Variants in KIF6 observed in about 807,000 individuals in gnomAD.
KIF6 encodes kinesin family member 6, also known as kinesin-like protein KIF6.
A neutral mutation model predicts 112.7 loss-of-function variants in KIF6; 106 were observed. The observed-to-expected ratio is 0.94, with a 90% confidence interval of 0.80 to 1.11. The LOEUF is 1.11. Ranked by LOEUF, KIF6 falls within the 50% of genes least tolerant of loss-of-function variation. KIF6 has a pLI of 0.00. For synonymous variants in KIF6, 339 were observed against 339.9 expected, an observed-to-expected ratio of 1.00 and a Z score of 0.03; for missense variants, 929 against 964.0, an observed-to-expected ratio of 0.96 and a Z score of 0.48.
intron 3 of KIF6, among the ~76,000 whole-genome samples, chr6:39,677,626 C>A (rs1167647626): frequency 7.0e-6 from 1 of 143,440 alleles, no homozygotes; most frequent in Non-Finnish European, 1.5e-5. Flanking sequence ...TGGTGCGCTG[C>A]ACCCACTAAT....
intron 15 of KIF6, among the ~76,000 whole-genome samples, chr6:39,397,860 G>A (rs1768389773): frequency 6.6e-6 from 1 of 152,168 alleles, no homozygotes. Flanking sequence ...TGGGTGCTGT[G>A]TCTCTGGGGA....
rs891379866 is a variant in KIF6 at position 39,442,132 on chromosome 6, G to A, written c.1646-10971C>T. On this transcript the variant is annotated intron_variant, in intron 13 of 22. Transcript: ENST00000287152. Reference sequence around the variant, plus strand: ...CCCAGCAGTGCAGACCACGCGGGCTGGGTGGAATAAAGGGGGCAGTGCTCA... The same window carrying A: ...CCCAGCAGTGCAGACCACGCGGGCTAGGTGGAATAAAGGGGGCAGTGCTCA... 2.6e-5 allele frequency among the ~76,000 whole-genome samples: 4 copies of A among 152,270 alleles called. No homozygotes were observed. In the South Asian group the frequency reaches 8.3e-4, roughly 32 times the overall value.
chr6:39,683,540 C>T (rs1787657908), intron 3 of KIF6, among the ~76,000 whole-genome samples: 1 of 152,056 alleles, frequency 6.6e-6, no homozygotes, highest in Non-Finnish European at 1.5e-5. Flanking sequence ...ATACAGATGT[C>T]TGGAGTTCTG....
intron 19 of KIF6, among the ~76,000 whole-genome samples, chr6:39,351,703 G>T (rs141537255): frequency 6.6e-6 from 1 of 151,992 alleles, no homozygotes; most frequent in South Asian, 2.1e-4. Flanking sequence ...CTTTCTACTC[G>T]CTGAGCAGGA....
In KIF6 at chr6:39,385,503, C is replaced by A; in HGVS notation, c.1861+119G>T. 3.7e-6 allele frequency: 3 copies of A among 805,794 alleles called. No individual in the cohort carries two copies. The East Asian group carries it at 7.5e-5, about 20-fold the overall frequency. 49.9% of individuals were successfully genotyped at this position (805,794 alleles called of 1,614,324 possible). ...AAAGCTGTGTGGATAGCAACCCTTG[C>A]CATCCTTAACCTCAGAGAGGGTTTT... On this transcript the variant is annotated intron_variant, in intron 16 of 22. Transcript: ENST00000287152.
chr6:39,343,585 G>T lies in KIF6; in HGVS notation c.2428+124C>A. On this transcript the variant is annotated intron_variant, in intron 22 of 22. Transcript: ENST00000287152. The surrounding 1 kb of genome is among the most constrained non-coding windows in gnomAD (Gnocchi z 4.1). Reference sequence around the variant, plus strand: ...GCTGGGCACATGTGACTGACAGGCAGGCCAGTCCTGTGGCTTCAGGAATAT... The same window carrying T: ...GCTGGGCACATGTGACTGACAGGCATGCCAGTCCTGTGGCTTCAGGAATAT... 8.7e-7 allele frequency: 1 copy of T among 1,153,170 alleles called. No individual in the cohort carries two copies. The highest frequency in any genetic ancestry group is 1.2e-6 in the Non-Finnish European group (1 of 818,686). The allele number at this position is 1,153,170 out of a possible 1,614,324, so 71.4% of individuals were successfully genotyped here. A position where few individuals can be genotyped will look rare whatever the true frequency, so the allele number is the denominator to read the frequency against.
rs184912764 is a variant in KIF6, at chr6:39,575,420, G to A, written c.1181+2636C>T. On this transcript the variant is annotated intron_variant, in intron 10 of 22. Transcript: ENST00000287152. ...CGAGTAGCTGGGACTACAGGCGCCC[G>A]CCACCACACCCGGCTAATTTTTTTG... Among the ~76,000 whole-genome samples, 389 of 151,914 alleles carry A rather than the reference G, an allele frequency of 2.6e-3. 2 individuals are homozygous for A. Among genetic ancestry groups the A allele is most frequent in the African/African-American group, 8.0e-3 (330 of 41,420 alleles).
rs560945423 is a variant in KIF6 at position 39,607,298 on chromosome 6, G to A, written c.639+5891C>T. ...ATCGATGTTTTAGAACAAATCTCAT[G>A]GTTCATGTAATACCATTAAATCAGG... On this transcript the variant is annotated intron_variant, in intron 6 of 22. Coordinates refer to ENST00000287152, the MANE Select transcript of KIF6 (RefSeq NM_145027.6). Among the ~76,000 whole-genome samples the A allele has an allele frequency of 3.3e-5, 5 of 152,150 alleles. No homozygotes were observed. The South Asian group carries it at 1.0e-3, about 32-fold the overall frequency.
At chr6:39,575,318 C>T (rs9471131) in intron 10 of KIF6, among the ~76,000 whole-genome samples, 75,060 of 150,500 alleles carry the variant, frequency 0.5, 19,825 homozygotes, top group African/African-American at 0.67. Context: ...TTGCCCAGGC[C>T]GGAGTGCAGT....
At chr6:39,450,718 T>A (rs1027297515) in intron 13 of KIF6, among the ~76,000 whole-genome samples, 1 of 152,152 alleles carries the variant, frequency 6.6e-6, no homozygotes, top group Admixed American at 6.5e-5. Flanking sequence ...GGTGGGAAGA[T>A]TGCCTGAGCC....
At chr6:39,431,332 A>G (rs755079899) in intron 13 of KIF6, 171 bp from the exon 14 acceptor site, 7 of 578,666 alleles carry the variant, frequency 1.2e-5, no homozygotes, top group Admixed American at 6.0e-5. Context: ...CAACCTGCTG[A>G]GGAGGCCCTT....
chr6:39,460,330 C>T (rs1773382018), intron 13 of KIF6, among the ~76,000 whole-genome samples: 1 of 107,044 alleles, frequency 9.3e-6, no homozygotes, highest in Admixed American at 1.1e-4. Flanking sequence ...ACAATGAGAT[C>T]ACATGGACAC....
chr6:39,606,782 T>C (rs983925999), intron 6 of KIF6, among the ~76,000 whole-genome samples: 1 of 152,198 alleles, frequency 6.6e-6, no homozygotes, highest in Non-Finnish European at 1.5e-5. Context: ...TTAGAATGAA[T>C]ATCTATATAA....
intron 14 of KIF6, among the ~76,000 whole-genome samples, chr6:39,427,554 T>C (rs1329653630): frequency 3.3e-5 from 5 of 152,202 alleles, no homozygotes; most frequent in Admixed American, 3.3e-4. Context: ...ATGGTTAGTA[T>C]TACAGGAACA....
rs1177951943 is a variant in KIF6 at position 39,540,000 on chromosome 6, G to A, written c.1645+3C>T. 1.3e-6 allele frequency: 2 copies of A among 1,591,410 alleles called. No individual in the cohort carries two copies. The highest frequency in any genetic ancestry group is 1.4e-5 in the African/African-American group (1 of 73,864). On this transcript the variant is annotated splice_donor_region_variant and intron_variant, in intron 13 of 22. Coordinates refer to ENST00000287152, the MANE Select transcript of KIF6 (RefSeq NM_145027.6). ...AGAAATACTGGAAATTTAGTCAACT[G>A]ACCTATTTTCTTGTGGAGCAAACTG...
chr6:39,540,101 G>A lies in KIF6; in HGVS notation c.1547C>T (p.Pro516Leu), dbSNP rs1778703347. 3 of 1,614,108 alleles carry A rather than the reference G, an allele frequency of 1.9e-6. No homozygotes were observed. The change falls in exon 13 of 23, where the codon CCA becomes CTA. Residue 516 changes from proline to leucine, a missense_variant. Physicochemically the swap from Pro to Leu is moderately conservative, Grantham distance 98 (BLOSUM62 -3). Around this residue, in one of 2 missense-constraint regions of KIF6, gnomAD observed 688 missense variants for 662.7 expected, o/e 1.04. Coordinates refer to ENST00000287152, the MANE Select transcript of KIF6 (RefSeq NM_145027.6). ...SQSPPFRLGNPEEGQRMRLSS... is the reference protein window; with the variant it reads ...SQSPPFRLGNLEEGQRMRLSS... ...TAGTCGCATTCTTTGACCTTCTTCTGGGTTTCCTAGGCGGAAGGGTGGGCT... is the reference window on the plus strand; with the variant it reads ...TAGTCGCATTCTTTGACCTTCTTCTAGGTTTCCTAGGCGGAAGGGTGGGCT...
chr6:39,401,940 T>C (rs1768739974), intron 15 of KIF6, among the ~76,000 whole-genome samples: 1 of 152,208 alleles, frequency 6.6e-6, no homozygotes, highest in Non-Finnish European at 1.5e-5. Context: ...GCTAGTCTAT[T>C]GCCTGATTTC....
rs1784804595 is a variant in KIF6 at position 39,639,635 on chromosome 6, G to C, written c.374C>G (p.Ser125Ter). ...CTTTTGTAACTGTTCAAAAATGTAT[G>C]ACAGTGTCCTTGGGATAATGCCTCT... ...SDRGIIPRTL[S>*]YIFEQLQKDS... Residue 125 changes from serine (S) to a stop codon, truncating the protein, a stop_gained, in exon 4 of 23, where the codon TCA becomes TGA. Transcript: ENST00000287152. LOFTEE classifies it high-confidence loss of function. The C allele has an allele frequency of 6.3e-7, 1 of 1,595,988 alleles. No individual in the cohort carries two copies. The highest frequency in any genetic ancestry group is 1.1e-5 in the South Asian group (1 of 87,410).
intron 3 of KIF6, among the ~76,000 whole-genome samples, chr6:39,706,856 G>A (rs1389250684): frequency 6.6e-6 from 1 of 152,166 alleles, no homozygotes; most frequent in Non-Finnish European, 1.5e-5. Flanking sequence ...TCCCCTGGGG[G>A]AGAAGTTCCA....
Sources: gnomAD v4.1 joint callset for allele counts (sites outside exome capture counted in the v4.1 genomes callset) on GRCh38, gnomAD v4.1.1 for gene constraint, gnomAD v4.1.1 regional missense constraint, Gnocchi (gnomAD v3.1) non-coding constraint, MANE v1.5 for transcripts, NCBI Gene and HGNC (gene_info 2026-07-23, HGNC 2026-07-21) for gene names.